The following STK38L variants were observed in gnomAD, a reference collection of about 807,000 sequenced individuals.
STK38L encodes serine/threonine kinase 38 like.
Under a neutral mutation model 59.7 loss-of-function variants are expected in STK38L, and 28 were observed. The observed-to-expected ratio is 0.47, with a 90% CI of 0.35 to 0.64. The LOEUF (loss-of-function observed/expected upper bound fraction) is 0.64. Among genes scored for constraint, STK38L ranks in the 30% least tolerant of loss-of-function variants. STK38L has a pLI of 0.01. For synonymous variants in STK38L, 162 were observed against 176.8 expected, an observed-to-expected ratio of 0.92 and a Z score of 0.66; for missense variants, 314 against 555.8, an observed-to-expected ratio of 0.56 and a Z score of 4.37.
chr12:27,266,088 T>G (rs1235437534), intron 1 of STK38L, among the ~76,000 whole-genome samples: 2 of 152,206 alleles, frequency 1.3e-5, no homozygotes, highest in African/African-American at 2.4e-5. Flanking sequence ...AAATAATATT[T>G]TAACATATTT....
At chr12:27,261,260 A>G (rs927776642) in intron 1 of STK38L, among the ~76,000 whole-genome samples, 6 of 152,324 alleles carry the variant, frequency 3.9e-5, no homozygotes, top group Middle Eastern at 3.4e-3. Context: ...TGAAGTCCCC[A>G]TCACAGCTTA....
intron 1 of STK38L, among the ~76,000 whole-genome samples, chr12:27,295,931 G>A (rs764896617): frequency 2.0e-5 from 3 of 152,192 alleles, no homozygotes; most frequent in Non-Finnish European, 4.4e-5. Context: ...AGGCATGAAA[G>A]AGCTAGGTAT....
intron 3 of STK38L, among the ~76,000 whole-genome samples, chr12:27,305,785 A>G (rs1024405119): frequency 2.0e-5 from 3 of 152,196 alleles, no homozygotes; most frequent in African/African-American, 7.2e-5. Flanking sequence ...ATGGAATGTT[A>G]TTTACTCTAA....
intron 6 of STK38L, among the ~76,000 whole-genome samples, chr12:27,313,849 C>A (rs1944518766): frequency 6.6e-6 from 1 of 152,040 alleles, no homozygotes. Context: ...GGGATAATGT[C>A]CCACTAAACT....
At chr12:27,316,096 C>G (rs1944578786) in intron 9 of STK38L, among the ~76,000 whole-genome samples, 1 of 152,212 alleles carries the variant, frequency 6.6e-6, no homozygotes, top group African/African-American at 2.4e-5. Context: ...AAAACTAATT[C>G]AGCATTCCCT....
At chr12:27,310,556 AAAATAAAT>A (rs959757607) in intron 5 of STK38L, among the ~76,000 whole-genome samples, 2 of 147,682 alleles carry the variant, frequency 1.4e-5, no homozygotes, top group African/African-American at 5.0e-5. Context: ...GCTTGGTGCA[AAAATAAAT>A]AAATAAATAA....
chr12:27,265,800 T>C lies in STK38L; in HGVS notation c.-12+21468T>C, dbSNP rs111757788. Among the ~76,000 whole-genome samples the C allele has an allele frequency of 7.0e-3, 1,063 of 152,312 alleles. 11 individuals carry two copies. Among genetic ancestry groups the C allele is most frequent in the African/African-American group, 0.025 (1,027 of 41,560 alleles). Reference sequence around the variant, plus strand: ...ATATTTGTCATTCTGTATTAATATATCTGTATCCTGATTTCTGTTGAAGCA... The same window carrying C: ...ATATTTGTCATTCTGTATTAATATACCTGTATCCTGATTTCTGTTGAAGCA... On this transcript the variant is annotated intron_variant, in intron 1 of 13. Transcript: ENST00000389032.
intron 2 of STK38L, among the ~76,000 whole-genome samples, chr12:27,301,048 T>C (rs989243773): frequency 6.6e-6 from 1 of 152,156 alleles, no homozygotes; most frequent in African/African-American, 2.4e-5. Context: ...GGAAAACCAA[T>C]ACAATAGAAA....
At chr12:27,302,241 T>G in intron 3 of STK38L, 53 bp downstream of exon 3, 1 of 1,319,370 alleles carries the variant, frequency 7.6e-7, no homozygotes, top group East Asian at 2.5e-5. Flanking sequence ...TGACTTTTCA[T>G]TCATTTGACA....
chr12:27,267,329 C>G (rs1943321161), intron 1 of STK38L, among the ~76,000 whole-genome samples: 1 of 152,118 alleles, frequency 6.6e-6, no homozygotes, highest in Admixed American at 6.5e-5. Context: ...CACCTGTAAT[C>G]CCAGCACTTT....
At chr12:27,253,151 C>T (rs192461736) in intron 1 of STK38L, among the ~76,000 whole-genome samples, 61 of 152,302 alleles carry the variant, frequency 4.0e-4, no homozygotes, top group African/African-American at 1.3e-3. Context: ...TGTATCTGTA[C>T]AGCACCTGGT....
chr12:27,303,186 T>A (rs11831473), intron 3 of STK38L, among the ~76,000 whole-genome samples: 17,702 of 151,558 alleles, frequency 0.12, 1,185 homozygotes, highest in Non-Finnish European at 0.16. Flanking sequence ...TTGGAACTCT[T>A]CCTCACTCCT....
chr12:27,316,071 C>A (rs139283050), intron 9 of STK38L, among the ~76,000 whole-genome samples: 1 of 151,984 alleles, frequency 6.6e-6, no homozygotes, highest in Admixed American at 6.6e-5. Context: ...ACTTGTTCAA[C>A]CAAATGATGA....
At chr12:27,309,529 A>T (rs1481424851) in intron 5 of STK38L, among the ~76,000 whole-genome samples, 2 of 152,212 alleles carry the variant, frequency 1.3e-5, no homozygotes, top group East Asian at 3.8e-4. Flanking sequence ...CCTGGCTTGC[A>T]GATGGCCACC....
chr12:27,281,910 C>A (rs1389019666), intron 1 of STK38L, among the ~76,000 whole-genome samples: 2 of 152,048 alleles, frequency 1.3e-5, no homozygotes, highest in African/African-American at 4.8e-5. Context: ...ATGGCGGGCA[C>A]CTGTAATCCC....
At chr12:27,298,501 CAG>C (rs1248012685) in intron 2 of STK38L, 7 of 152,026 alleles carry the variant, frequency 4.6e-5, no homozygotes, top group African/African-American at 1.4e-4. Flanking sequence ...CAGTGCATAT[CAG>C]GGGGAATAGA....
intron 3 of STK38L, among the ~76,000 whole-genome samples, chr12:27,304,882 C>T (rs1234317518): frequency 6.7e-6 from 1 of 150,022 alleles, no homozygotes; most frequent in South Asian, 2.1e-4. Flanking sequence ...ACATATTCAA[C>T]TTATATGATT....
At chr12:27,280,891 G>A (rs1943639937) in intron 1 of STK38L, among the ~76,000 whole-genome samples, 1 of 152,210 alleles carries the variant, frequency 6.6e-6, no homozygotes, top group African/African-American at 2.4e-5. Flanking sequence ...CAGCAACACA[G>A]CCTTGTCTTT....
At chr12:27,250,244 T>A (rs1942942764) in intron 1 of STK38L, among the ~76,000 whole-genome samples, 1 of 152,234 alleles carries the variant, frequency 6.6e-6, no homozygotes, top group Non-Finnish European at 1.5e-5. Flanking sequence ...CTATTCTGCT[T>A]TTATGAATAC....
Sources: allele counts gnomAD v4.1 joint callset (sites outside exome capture counted in the v4.1 genomes callset), GRCh38; gene constraint gnomAD v4.1.1; transcripts MANE v1.5; gene names NCBI Gene and HGNC (gene_info 2026-07-23, HGNC 2026-07-21).